The following ARHGAP15 variants were observed in gnomAD, a reference collection of about 807,000 sequenced individuals.
ARHGAP15 encodes Rho GTPase activating protein 15.
In ARHGAP15, 51 loss-of-function variants were observed where a neutral mutation model predicts 63.7. That is an observed-to-expected ratio of 0.80 (90% CI 0.64 to 1.01). The LOEUF (loss-of-function observed/expected upper bound fraction) is 1.01. Among genes scored for constraint, ARHGAP15 ranks in the 50% least tolerant of loss-of-function variants. The probability of loss-of-function intolerance (pLI) is 0.00; values close to 1 mark genes in which losing one functional copy is unlikely to be tolerated. For missense variants in ARHGAP15, 560 were observed against 564.6 expected, an observed-to-expected ratio of 0.99 and a Z score of 0.08; for synonymous variants, 191 against 193.8, an observed-to-expected ratio of 0.99 and a Z score of 0.12.
intron 11 of ARHGAP15, among the ~76,000 whole-genome samples, chr2:143,595,235 A>T (rs1030195800): frequency 1.3e-5 from 2 of 152,172 alleles, no homozygotes; most frequent in African/African-American, 4.8e-5. Context: ...ACATTCAGCA[A>T]ATCAGTTGCT....
In ARHGAP15 at chr2:143,236,389, G is replaced by A. The variant is rs187418645; in HGVS notation, c.384+7721G>A. 3.7e-3 allele frequency: 579 copies of A among 154,776 alleles called. 7 individuals carry two copies. The highest frequency in any genetic ancestry group is 0.013 in the African/African-American group (550 of 41,646). The allele number at this position is 154,776 out of a possible 1,614,324, so 9.6% of individuals were successfully genotyped here. A position where few individuals can be genotyped will look rare whatever the true frequency, so the allele number is the denominator to read the frequency against. On this transcript the variant is annotated intron_variant, in intron 5 of 13. Coordinates refer to ENST00000295095, the MANE Select transcript of ARHGAP15 (RefSeq NM_018460.4). ...GTTCAGCTTAGGTATCTCTCCTTTT[G>A]TTCAAATATTACTGTTTGATATTAT...
chr2:143,294,834 T>G (rs115893535), intron 6 of ARHGAP15, among the ~76,000 whole-genome samples: 2,367 of 152,124 alleles, frequency 0.016, 31 homozygotes, highest in Non-Finnish European at 0.021. Context: ...GTGGGACTCT[T>G]TCTGCAAACA....
chr2:143,484,390 G>A (rs1692223400), intron 8 of ARHGAP15, among the ~76,000 whole-genome samples: 1 of 149,444 alleles, frequency 6.7e-6, no homozygotes. Context: ...AAATTAGCCA[G>A]GCTTAGTGGC....
chr2:143,216,250 A>G (rs923485582), intron 3 of ARHGAP15, 134 bp from the exon 4 acceptor site: 2 of 632,232 alleles, frequency 3.2e-6, no homozygotes, highest in Non-Finnish European at 5.6e-6. Flanking sequence ...CCCATAAGCT[A>G]TATATGCATT....
chr2:143,195,233 G>T (rs181366838), intron 2 of ARHGAP15, among the ~76,000 whole-genome samples: 99 of 152,114 alleles, frequency 6.5e-4, no homozygotes, highest in African/African-American at 2.3e-3. Context: ...AAAAAAGAGA[G>T]AATATTTGCT....
At chr2:143,351,759 C>T (rs1322826295) in intron 6 of ARHGAP15, among the ~76,000 whole-genome samples, 1 of 152,054 alleles carries the variant, frequency 6.6e-6, no homozygotes, top group East Asian at 1.9e-4. Flanking sequence ...GAACTAATTG[C>T]TAATTGGCAT....
intron 6 of ARHGAP15, among the ~76,000 whole-genome samples, chr2:143,353,530 A>AT (rs1291765598): frequency 6.6e-6 from 1 of 151,904 alleles, no homozygotes; most frequent in Non-Finnish European, 1.5e-5. Flanking sequence ...TTTATTTTTA[A>AT]TTTTTTTTAG....
intron 8 of ARHGAP15, among the ~76,000 whole-genome samples, chr2:143,445,337 A>G (rs766286787): frequency 6.6e-6 from 1 of 151,302 alleles, no homozygotes; most frequent in South Asian, 2.1e-4. Flanking sequence ...TAATTTTTGT[A>G]TTTTTAGTAG....
intron 10 of ARHGAP15, among the ~76,000 whole-genome samples, chr2:143,537,063 A>G (rs1425487442): frequency 6.6e-6 from 1 of 152,060 alleles, no homozygotes; most frequent in Non-Finnish European, 1.5e-5. Flanking sequence ...AATGATTGCC[A>G]TTCTAACTGG....
intron 8 of ARHGAP15, among the ~76,000 whole-genome samples, chr2:143,462,189 G>A (rs1434348573): frequency 6.6e-6 from 1 of 152,028 alleles, no homozygotes; most frequent in Non-Finnish European, 1.5e-5. Flanking sequence ...ATTACCAGGT[G>A]CACATGATAT....
Position 143,504,943 on chromosome 2 carries a change from G to C in ARHGAP15, c.827-14323G>C, listed in dbSNP as rs910022866. On this transcript the variant is annotated intron_variant, in intron 9 of 13. Transcript: ENST00000295095. ...TGTCTTCAAAGGAAACAGAAAGGCT[G>C]TTCTCCTCCCCACCCTGCCTGCATG... Among the ~76,000 whole-genome samples, 3 of 152,274 alleles carry C rather than the reference G, an allele frequency of 2.0e-5. No homozygotes were observed. The East Asian group carries it at 5.8e-4, about 29-fold the overall frequency.
chr2:143,405,482 T>A (rs1309988059), intron 6 of ARHGAP15, among the ~76,000 whole-genome samples: 1 of 151,362 alleles, frequency 6.6e-6, no homozygotes. Context: ...TGTGCTCCCC[T>A]TTTCACATTG....
chr2:143,401,919 G>A (rs1438681515), intron 6 of ARHGAP15, among the ~76,000 whole-genome samples: 4 of 151,992 alleles, frequency 2.6e-5, no homozygotes, highest in Middle Eastern at 3.4e-3. Context: ...TTTCACATTT[G>A]TCTTTTTGAG....
chr2:143,672,753 T>C (rs913003545), intron 12 of ARHGAP15, among the ~76,000 whole-genome samples: 10 of 152,162 alleles, frequency 6.6e-5, no homozygotes, highest in African/African-American at 2.2e-4. Context: ...GCTTTGCCGA[T>C]GGTAGAGATA....
At chr2:143,378,727 G>C (rs1430977012) in intron 6 of ARHGAP15, among the ~76,000 whole-genome samples, 1 of 152,040 alleles carries the variant, frequency 6.6e-6, no homozygotes, top group African/African-American at 2.4e-5. Flanking sequence ...CTCTAGCAGA[G>C]ATTCTAGAAA....
At chr2:143,554,874 A>C (rs1221459009) in intron 10 of ARHGAP15, among the ~76,000 whole-genome samples, 1 of 152,104 alleles carries the variant, frequency 6.6e-6, no homozygotes, top group Non-Finnish European at 1.5e-5. Context: ...AAATATATTG[A>C]TTTTTACAAA....
intron 4 of ARHGAP15, among the ~76,000 whole-genome samples, chr2:143,225,548 C>T (rs964347069): frequency 2.6e-5 from 4 of 152,164 alleles, no homozygotes; most frequent in Admixed American, 6.5e-5. Context: ...TTTCAGTGAG[C>T]GGAGATTGCG....
At chr2:143,577,371 CAA>C (rs1192021132) in intron 11 of ARHGAP15, among the ~76,000 whole-genome samples, 3 of 152,018 alleles carry the variant, frequency 2.0e-5, no homozygotes, top group Non-Finnish European at 4.4e-5. Flanking sequence ...ATTAGGGAAA[CAA>C]AGCAGAAAAT....
intron 12 of ARHGAP15, among the ~76,000 whole-genome samples, chr2:143,674,739 C>T (rs1263597203): frequency 5.9e-5 from 9 of 152,200 alleles, no homozygotes; most frequent in East Asian, 1.9e-4. Context: ...GTTATGTTTA[C>T]GAAAACAATG....
Sources: allele counts gnomAD v4.1 joint callset (sites outside exome capture counted in the v4.1 genomes callset), GRCh38; gene constraint gnomAD v4.1.1; transcripts MANE v1.5; gene names NCBI Gene and HGNC (gene_info 2026-07-23, HGNC 2026-07-21).